The following WIPF3 variants were observed in gnomAD, a reference collection of about 807,000 sequenced individuals.
The protein encoded by WIPF3 is WAS/WASL-interacting protein family member 3.
WIPF3 carries 33 observed loss-of-function variants against 38.9 expected under a neutral mutation model. The ratio of observed to expected loss-of-function variants is 0.85; its 90% CI spans 0.64 to 1.14. The LOEUF (loss-of-function observed/expected upper bound fraction) is 1.14, where lower values mean the gene tolerates loss of function less well. WIPF3 is among the 50% of genes most tolerant of loss of function. The pLI is 0.00. For synonymous variants in WIPF3, 324 were observed against 269.3 expected, an observed-to-expected ratio of 1.20 and a Z score of -1.99; for missense variants, 711 against 652.5, an observed-to-expected ratio of 1.09 and a Z score of -0.98.
intron 7 of WIPF3, among the ~76,000 whole-genome samples, chr7:29,903,141 A>G (rs910880640): frequency 6.6e-6 from 1 of 151,920 alleles, no homozygotes; most frequent in Non-Finnish European, 1.5e-5. Context: ...AAAAATTTTA[A>G]AAGTTAGCTG....
At chr7:29,912,719 T>C (rs1349745811) in intron 8 of WIPF3, 1 of 154,846 alleles carries the variant, frequency 6.5e-6, no homozygotes, top group Non-Finnish European at 1.4e-5. Context: ...TACACGCATG[T>C]ACAGTGGAAT....
chr7:29,810,985 C>T (rs1336465300), intron 1 of WIPF3, among the ~76,000 whole-genome samples: 1 of 152,148 alleles, frequency 6.6e-6, no homozygotes, highest in Non-Finnish European at 1.5e-5. Context: ...AACTCCCACA[C>T]TCAAGTGATC....
chr7:29,842,605 A>G (rs1027147865), intron 2 of WIPF3, among the ~76,000 whole-genome samples: 1 of 152,170 alleles, frequency 6.6e-6, no homozygotes, highest in Non-Finnish European at 1.5e-5. Flanking sequence ...AAGCTGTGAC[A>G]TATATTGGGA....
intron 2 of WIPF3, among the ~76,000 whole-genome samples, chr7:29,875,118 T>C (rs1785563561): frequency 6.6e-6 from 1 of 152,118 alleles, no homozygotes; most frequent in Non-Finnish European, 1.5e-5. Context: ...CAGACATTCA[T>C]TGTAATCTTC....
At chr7:29,871,728 A>G (rs1785499918) in intron 2 of WIPF3, among the ~76,000 whole-genome samples, 1 of 152,186 alleles carries the variant, frequency 6.6e-6, no homozygotes, top group Non-Finnish European at 1.5e-5. Context: ...GAAAGCTTTT[A>G]TAATGTATCC....
At chr7:29,824,929 C>T (rs1196276297) in intron 1 of WIPF3, among the ~76,000 whole-genome samples, 1 of 152,186 alleles carries the variant, frequency 6.6e-6, no homozygotes, top group Non-Finnish European at 1.5e-5. Context: ...AGCACTTAAA[C>T]TAACCTAAAG....
chr7:29,819,079 A>G (rs1583589769), intron 1 of WIPF3, among the ~76,000 whole-genome samples: 1 of 151,490 alleles, frequency 6.6e-6, no homozygotes, highest in East Asian at 1.9e-4. Flanking sequence ...TATTTGTTCT[A>G]TTCTTTCTCA....
At chr7:29,820,469 G>A (rs1180622611) in intron 1 of WIPF3, among the ~76,000 whole-genome samples, 1 of 151,876 alleles carries the variant, frequency 6.6e-6, no homozygotes, top group African/African-American at 2.4e-5. Context: ...TGCTTAATTT[G>A]CTTTTTTACA....
At chr7:29,835,629 A>C (rs942697632) in intron 2 of WIPF3, among the ~76,000 whole-genome samples, 6 of 152,180 alleles carry the variant, frequency 3.9e-5, no homozygotes, top group African/African-American at 1.4e-4. Flanking sequence ...GAAAAATGCT[A>C]GTGCTTACTG....
At chr7:29,808,593 C>T (rs923296400) in intron 1 of WIPF3, among the ~76,000 whole-genome samples, 3 of 152,084 alleles carry the variant, frequency 2.0e-5, no homozygotes, top group African/African-American at 7.2e-5. Context: ...TGCCATTGCC[C>T]CCTTTTTGTT....
At chr7:29,909,929 A>T (rs1421957714) in intron 8 of WIPF3, among the ~76,000 whole-genome samples, 1 of 151,736 alleles carries the variant, frequency 6.6e-6, no homozygotes, top group East Asian at 1.9e-4. Context: ...AGAGAGTAGA[A>T]GGATGGTTAC....
In WIPF3 at chr7:29,879,128, C is replaced by T. The variant is rs769137726; in HGVS notation, c.343C>T (p.Arg115Trp). The change falls in exon 4 of 9, where the codon CGG becomes TGG. Residue 115 changes from arginine to tryptophan, a missense_variant. Physicochemically the swap from Arg to Trp is moderately radical, Grantham distance 101. Coordinates refer to ENST00000242140, the MANE Select transcript of WIPF3 (RefSeq NM_001080529.3). ...GFPVLRPAGQ[R>W]DVAGGKTGQG... is the part of the protein sequence containing the mutation. ...TCCTGTATTGCGACCAGCAGGCCAG[C>T]GGGATGTAGCAGGTAAGGAAGAATT... is the stretch of plus-strand genomic sequence containing the variant. 45 of 1,611,016 alleles carry T rather than the reference C, an allele frequency of 2.8e-5. No individual in the cohort carries two copies. Among genetic ancestry groups the T allele is most frequent in the Non-Finnish European group, 3.4e-5 (40 of 1,178,472 alleles).
intron 2 of WIPF3, among the ~76,000 whole-genome samples, chr7:29,841,384 G>A (rs1784911360): frequency 6.6e-6 from 1 of 152,182 alleles, no homozygotes; most frequent in Non-Finnish European, 1.5e-5. Context: ...GTGGAACAGA[G>A]AAAAGGGCTG....
chr7:29,863,259 G>A (rs1041071772), intron 2 of WIPF3, among the ~76,000 whole-genome samples: 1 of 152,108 alleles, frequency 6.6e-6, no homozygotes, highest in Admixed American at 6.6e-5. Flanking sequence ...ATCCATGGCA[G>A]CCACTGCTCT....
intron 2 of WIPF3, among the ~76,000 whole-genome samples, chr7:29,837,541 T>G (rs969059942): frequency 8.5e-5 from 13 of 152,242 alleles, no homozygotes; most frequent in Non-Finnish European, 1.6e-4. Flanking sequence ...AATTGTACAT[T>G]TGGTTAAATT....
chr7:29,822,841 C>A (rs1047578881), intron 1 of WIPF3, among the ~76,000 whole-genome samples: 2 of 152,010 alleles, frequency 1.3e-5, no homozygotes, highest in Non-Finnish European at 2.9e-5. Context: ...ATATTTTTAC[C>A]GTCTTAAAAC....
At position 29,914,511 on chromosome 7, in the gene WIPF3, C is replaced by G; in HGVS notation, c.1447C>G (p.Arg483Gly). The part of the protein sequence containing the change: ...RNSQLSLKTL[R>G] ...TCCACAGTTATCTCTAAAGACTCTT[C>G]GGTGAGAAGACAGATGAAGCGAAGG... is the stretch of plus-strand genomic sequence containing the variant. The change falls in exon 9 of 9, where the codon CGG (arginine) becomes GGG (glycine). Residue 483 changes from arginine (R) to glycine (G), a missense_variant. Coordinates refer to ENST00000242140, the MANE Select transcript of WIPF3 (RefSeq NM_001080529.3). The G allele has an allele frequency of 6.6e-7, 1 of 1,519,762 alleles. No individual in the cohort carries two copies. Among genetic ancestry groups the G allele is most frequent in the African/African-American group, 1.4e-5 (1 of 71,430 alleles). The allele number at this position is 1,519,762 out of a possible 1,614,324, so 94.1% of individuals were successfully genotyped here.
intron 1 of WIPF3, among the ~76,000 whole-genome samples, chr7:29,822,678 C>T (rs1162227229): frequency 6.6e-6 from 1 of 152,236 alleles, no homozygotes; most frequent in Non-Finnish European, 1.5e-5. Flanking sequence ...GTATCGTCTA[C>T]AGCATATCCA....
At chr7:29,859,183 A>G (rs1007579712) in intron 2 of WIPF3, among the ~76,000 whole-genome samples, 1 of 152,202 alleles carries the variant, frequency 6.6e-6, no homozygotes, top group Admixed American at 6.5e-5. Context: ...GATAAACCAC[A>G]CCACATGAGA....
Sources: allele counts gnomAD v4.1 joint callset (sites outside exome capture counted in the v4.1 genomes callset), GRCh38; gene constraint gnomAD v4.1.1; transcripts MANE v1.5; gene names NCBI Gene and HGNC (gene_info 2026-07-23, HGNC 2026-07-21).